SPOCK3: variants seen among roughly 807,000 people sequenced by gnomAD.
The protein encoded by SPOCK3 is testican-3.
In SPOCK3, 30 loss-of-function variants were observed where a neutral mutation model predicts 56.6. That is an observed-to-expected ratio of 0.53 (90% confidence interval 0.40 to 0.72). The LOEUF (loss-of-function observed/expected upper bound fraction) is 0.72, where lower values mean the gene tolerates loss of function less well. SPOCK3 is among the 30% of genes least tolerant of loss of function. The probability of loss-of-function intolerance (pLI) is 0.00; values close to 1 mark genes in which losing one functional copy is unlikely to be tolerated. For synonymous variants in SPOCK3, 196 were observed against 183.3 expected, an observed-to-expected ratio of 1.07 and a Z score of -0.56; for missense variants, 527 against 530.0, an observed-to-expected ratio of 0.99 and a Z score of 0.06.
chr4:166,902,872 T>A (rs905389829), intron 5 of SPOCK3, among the ~76,000 whole-genome samples: 33 of 150,892 alleles, frequency 2.2e-4, no homozygotes, highest in Admixed American at 9.9e-4. Flanking sequence ...TATTTCAATA[T>A]CTTTTTAAAT....
chr4:167,036,390 T>A (rs1041621867), intron 3 of SPOCK3, among the ~76,000 whole-genome samples: 1 of 152,180 alleles, frequency 6.6e-6, no homozygotes, highest in Non-Finnish European at 1.5e-5. Flanking sequence ...TTTATTTATA[T>A]CCCAACTGCA....
chr4:166,882,238 A>T (rs1733755020), intron 6 of SPOCK3, among the ~76,000 whole-genome samples: 1 of 151,822 alleles, frequency 6.6e-6, no homozygotes, highest in Non-Finnish European at 1.5e-5. Flanking sequence ...CTCCAGGGTA[A>T]TTTTATGTGC....
intron 6 of SPOCK3, among the ~76,000 whole-genome samples, chr4:166,813,793 G>A (rs1407011738): frequency 6.6e-6 from 1 of 151,800 alleles, no homozygotes; most frequent in Non-Finnish European, 1.5e-5. Context: ...GACAGAGAAG[G>A]TATGAAAAAA....
rs149921146 is a variant in SPOCK3 at position 167,124,600 on chromosome 4, G to A, written c.190-62063C>T. 3.3e-3 allele frequency among the ~76,000 whole-genome samples: 494 copies of A among 151,816 alleles called. 3 individuals carry two copies. Among genetic ancestry groups the A allele is most frequent in the African/African-American group, 0.011 (471 of 41,378 alleles). ...TCAACAGCGTAACCCATTTACCATC[G>A]TCTCTCATCTAAATGATGCAACAGC... is the stretch of plus-strand genomic sequence containing the variant. On this transcript the variant is annotated intron_variant, in intron 2 of 10. Transcript: ENST00000357545.
At position 166,851,234 on chromosome 4, in the gene SPOCK3, C is replaced by T. The variant is rs188893742; in HGVS notation, c.589+37896G>A. ...CTGACACCTCACACGGCCGGGTACT[C>T]CAACAGACCTGCAGCTGAGGGTCCT... is the stretch of plus-strand genomic sequence containing the variant. On this transcript the variant is annotated intron_variant, in intron 6 of 10. Transcript: ENST00000357545. 7.7e-3 allele frequency among the ~76,000 whole-genome samples: 1,172 copies of T among 152,256 alleles called. 8 individuals carry two copies. The highest frequency in any genetic ancestry group is 0.024 in the Middle Eastern group (7 of 294).
At chr4:167,116,454 G>GTA (rs561649622) in intron 2 of SPOCK3, among the ~76,000 whole-genome samples, 7 of 105,754 alleles carry the variant, frequency 6.6e-5, no homozygotes, top group African/African-American at 1.5e-4. Flanking sequence ...ATACACAAAA[G>GTA]TATATATATA....
At chr4:166,850,899 C>G (rs1216343713) in intron 6 of SPOCK3, among the ~76,000 whole-genome samples, 1 of 152,210 alleles carries the variant, frequency 6.6e-6, no homozygotes, top group African/African-American at 2.4e-5. Context: ...GGAGGGGTGC[C>G]CACCATTGCC....
At chr4:167,119,147 G>C (rs1448848369) in intron 2 of SPOCK3, among the ~76,000 whole-genome samples, 5 of 149,300 alleles carry the variant, frequency 3.3e-5, no homozygotes, top group African/African-American at 1.2e-4. Context: ...TGGGGGAGGG[G>C]GGGGAACACC....
intron 10 of SPOCK3, 92 bp downstream of exon 10, chr4:166,737,375 G>A: frequency 7.4e-7 from 1 of 1,349,700 alleles, no homozygotes; most frequent in East Asian, 2.3e-5. Context: ...CATAGAGTAA[G>A]TCCTCATTAA....
chr4:166,864,233 T>C (rs1239062468), intron 6 of SPOCK3, among the ~76,000 whole-genome samples: 2 of 152,032 alleles, frequency 1.3e-5, no homozygotes, highest in East Asian at 1.9e-4. Context: ...TTGAAACCAA[T>C]GAGAACAAAG....
intron 2 of SPOCK3, among the ~76,000 whole-genome samples, chr4:167,076,634 CTG>C (rs1156318362): frequency 6.6e-6 from 1 of 151,780 alleles, no homozygotes; most frequent in Non-Finnish European, 1.5e-5. Flanking sequence ...AAATTATACT[CTG>C]TATGTTCACA....
chr4:166,779,274 G>A (rs1447215400), intron 7 of SPOCK3, among the ~76,000 whole-genome samples: 1 of 151,880 alleles, frequency 6.6e-6, no homozygotes, highest in East Asian at 1.9e-4. Flanking sequence ...CAGAAATATG[G>A]AACTCATTCT....
chr4:166,841,599 C>G (rs998248253), intron 6 of SPOCK3, among the ~76,000 whole-genome samples: 4 of 152,150 alleles, frequency 2.6e-5, no homozygotes, highest in Non-Finnish European at 4.4e-5. Flanking sequence ...ATAAATATGG[C>G]CTTCCTTAAT....
intron 2 of SPOCK3, among the ~76,000 whole-genome samples, chr4:167,218,229 A>G (rs9312517): frequency 0.13 from 20,367 of 152,088 alleles, 1,702 homozygotes; most frequent in African/African-American, 0.22. Flanking sequence ...CTAAAAAATA[A>G]TCGTGTGTTA....
chr4:167,076,613 A>C (rs1580216458), intron 2 of SPOCK3, among the ~76,000 whole-genome samples: 1 of 151,870 alleles, frequency 6.6e-6, no homozygotes, highest in South Asian at 2.1e-4. Flanking sequence ...ATGCAATGGA[A>C]ACCAATGTAA....
At chr4:166,795,948 A>T (rs1451433169) in intron 6 of SPOCK3, among the ~76,000 whole-genome samples, 1 of 152,156 alleles carries the variant, frequency 6.6e-6, no homozygotes, top group African/African-American at 2.4e-5. Context: ...GGACTCTGGG[A>T]GGTGATTAGG....
At chr4:167,203,443 G>T (rs1733711453) in intron 2 of SPOCK3, among the ~76,000 whole-genome samples, 1 of 151,584 alleles carries the variant, frequency 6.6e-6, no homozygotes, top group Non-Finnish European at 1.5e-5. Flanking sequence ...GCTAAAAATA[G>T]CAAGTATTAA....
At chr4:166,999,224 A>G (rs139671132) in intron 4 of SPOCK3, among the ~76,000 whole-genome samples, 2 of 152,218 alleles carry the variant, frequency 1.3e-5, no homozygotes, top group East Asian at 3.9e-4. Context: ...AAGTGAACAC[A>G]TTTTCAAACC....
At chr4:166,802,096 C>T (rs1161181667) in intron 6 of SPOCK3, among the ~76,000 whole-genome samples, 1 of 151,578 alleles carries the variant, frequency 6.6e-6, no homozygotes, top group African/African-American at 2.4e-5. Context: ...TTGAGGTAGA[C>T]AATACATGTA....
Sources: allele counts gnomAD v4.1 joint callset (sites outside exome capture counted in the v4.1 genomes callset), GRCh38; gene constraint gnomAD v4.1.1; transcripts MANE v1.5; gene names NCBI Gene and HGNC (gene_info 2026-07-23, HGNC 2026-07-21).